Variants in LARS2 observed in about 807,000 individuals in gnomAD.
LARS2 encodes the protein leucyl-tRNA synthetase 2, mitochondrial.
Under a neutral mutation model 116.6 loss-of-function variants are expected in LARS2, and 81 were observed. The observed-to-expected ratio is 0.69, with a 90% CI of 0.58 to 0.84. The LOEUF is 0.84. LARS2 is among the 40% of genes least tolerant of loss of function. The pLI is 0.00. For synonymous variants in LARS2, 396 were observed against 407.2 expected (o/e 0.97, Z 0.33); for missense variants, 968 against 1,114.5 (o/e 0.87, Z 1.87).
Position 45,547,763 on chromosome 3 carries a change from C to T in LARS2, c.*233C>T, listed in dbSNP as rs1314168545. On this transcript the variant is annotated 3_prime_UTR_variant, in exon 22 of 22. Transcript: ENST00000645846. Reference sequence around the variant, plus strand: ...ATGAGCTACTGAGGAGGGGGTTGGACATCCTGCCCCTCACCCCCCACCCAC... The same window carrying T: ...ATGAGCTACTGAGGAGGGGGTTGGATATCCTGCCCCTCACCCCCCACCCAC... 6.9e-6 allele frequency: 3 copies of T among 435,748 alleles called. No individual in the cohort carries two copies. In the East Asian group the frequency reaches 1.2e-4, roughly 18 times the overall value. 27.0% of individuals were successfully genotyped at this position (435,748 alleles called of 1,614,324 possible).
chr3:45,444,303 G>A (rs1575258882), intron 6 of LARS2, among the ~76,000 whole-genome samples: 1 of 149,982 alleles, frequency 6.7e-6, no homozygotes, highest in South Asian at 2.1e-4. Flanking sequence ...ATGAGCCACT[G>A]CGCCCAGCCC....
chr3:45,448,157 A>C (rs1184155350), intron 7 of LARS2, among the ~76,000 whole-genome samples: 1 of 152,180 alleles, frequency 6.6e-6, no homozygotes, highest in Admixed American at 6.5e-5. Flanking sequence ...CCATCAACCT[A>C]CTGGGGTAAG....
intron 21 of LARS2, 101 bp from the exon 22 acceptor site, chr3:45,547,250 C>T (rs909528766): frequency 9.2e-7 from 1 of 1,088,306 alleles, no homozygotes. Context: ...TTCCCCTAAA[C>T]AAATGCAGCC....
chr3:45,436,751 G>A (rs1340258881), intron 6 of LARS2, among the ~76,000 whole-genome samples: 3 of 142,770 alleles, frequency 2.1e-5, no homozygotes, highest in Non-Finnish European at 4.5e-5. Context: ...CCGAGATTGC[G>A]CCACTGCAGT....
At chr3:45,510,448 A>C (rs1394784903) in intron 15 of LARS2, among the ~76,000 whole-genome samples, 1 of 152,082 alleles carries the variant, frequency 6.6e-6, no homozygotes, top group East Asian at 1.9e-4. Context: ...TCACAGGAGA[A>C]AGACAGGCAA....
At chr3:45,471,294 G>T (rs1342603162) in intron 8 of LARS2, among the ~76,000 whole-genome samples, 1 of 152,196 alleles carries the variant, frequency 6.6e-6, no homozygotes, top group Non-Finnish European at 1.5e-5. Context: ...ACCGAAAAGA[G>T]CTTGCAGAGT....
At chr3:45,416,759 A>G (rs1440719098) in intron 4 of LARS2, among the ~76,000 whole-genome samples, 1 of 152,132 alleles carries the variant, frequency 6.6e-6, no homozygotes, top group Non-Finnish European at 1.5e-5. Flanking sequence ...TGGCTACCAT[A>G]TTGGACAGCA....
chr3:45,546,713 T>C lies in LARS2; in HGVS notation c.2533-638T>C, dbSNP rs542561114. ...TGAGCCACGTGGTCACCTTCCCTCA[T>C]TGAATCAATATTCGGTGAATACCCA... On this transcript the variant is annotated intron_variant, in intron 21 of 21. Coordinates refer to ENST00000645846, the MANE Select transcript of LARS2 (RefSeq NM_015340.4). Among the ~76,000 whole-genome samples the C allele has an allele frequency of 1.7e-4, 26 of 152,316 alleles. 1 individual carries two copies. The highest frequency in any genetic ancestry group is 1.6e-3 in the Admixed American group (24 of 15,304).
At chr3:45,409,295 A>G (rs1698287500) in intron 4 of LARS2, among the ~76,000 whole-genome samples, 1 of 152,232 alleles carries the variant, frequency 6.6e-6, no homozygotes, top group Non-Finnish European at 1.5e-5. Flanking sequence ...ATGGATTAAA[A>G]TAAGTTATGG....
At chr3:45,398,149 C>T (rs1329200898) in intron 3 of LARS2, among the ~76,000 whole-genome samples, 1 of 152,188 alleles carries the variant, frequency 6.6e-6, no homozygotes, top group Admixed American at 6.5e-5. Flanking sequence ...CAGCTTAACA[C>T]TCCTTGGTAA....
At chr3:45,490,688 T>C (rs1269830817) in intron 12 of LARS2, among the ~76,000 whole-genome samples, 1 of 152,234 alleles carries the variant, frequency 6.6e-6, no homozygotes, top group South Asian at 2.1e-4. Context: ...GGGAAGATCA[T>C]ATTTATCTTT....
chr3:45,431,999 AAG>A (rs1167339445), intron 6 of LARS2, among the ~76,000 whole-genome samples: 5 of 152,216 alleles, frequency 3.3e-5, no homozygotes, highest in African/African-American at 9.6e-5. Context: ...TAGTAATGAA[AAG>A]AGAGCAAGGG....
intron 6 of LARS2, among the ~76,000 whole-genome samples, chr3:45,437,222 C>G (rs966336166): frequency 6.6e-6 from 1 of 152,152 alleles, no homozygotes; most frequent in Non-Finnish European, 1.5e-5. Context: ...AAAACAAGAC[C>G]TTTAAGAATA....
intron 1 of LARS2, among the ~76,000 whole-genome samples, chr3:45,390,634 ATTAT>A (rs373874105): frequency 0.49 from 68,853 of 140,100 alleles, 17,334 homozygotes; most frequent in Non-Finnish European, 0.57. Flanking sequence ...TTTTATTTTT[ATTAT>A]TTATTTATTT....
At chr3:45,424,888 A>G (rs925688616) in intron 6 of LARS2, among the ~76,000 whole-genome samples, 5 of 152,042 alleles carry the variant, frequency 3.3e-5, no homozygotes, top group African/African-American at 9.7e-5. Context: ...CATCTCTCTC[A>G]TGATTTTGGT....
Position 45,417,578 on chromosome 3 carries a change from G to A in LARS2, c.455+5G>A, listed in dbSNP as rs1378891048. 1.9e-6 allele frequency: 3 copies of A among 1,606,866 alleles called. No individual in the cohort carries two copies. Among genetic ancestry groups the A allele is most frequent in the Non-Finnish European group, 1.7e-6 (2 of 1,173,686 alleles). ...TCCACAAAGTTGGACACAAAGGTAA[G>A]TGTTTACAGGCATATTCAAATACTT... On this transcript the variant is annotated splice_donor_5th_base_variant and intron_variant, in intron 5 of 21. Transcript: ENST00000645846.
Position 45,409,341 on chromosome 3 carries a change from A to G in LARS2, c.364-8141A>G, listed in dbSNP as rs371202847. On this transcript the variant is annotated intron_variant, in intron 4 of 21. Coordinates refer to ENST00000645846, the MANE Select transcript of LARS2 (RefSeq NM_015340.4). ...AAAGGAATTGGAATTCTAAAACCTA[A>G]CAGGAGAGTTTGGAGTTCTTCCCAG... 2.0e-3 allele frequency among the ~76,000 whole-genome samples: 302 copies of G among 152,336 alleles called. 10 individuals carry two copies. The South Asian group carries it at 0.06, about 30-fold the overall frequency.
chr3:45,430,264 AC>A (rs1428231204), intron 6 of LARS2, among the ~76,000 whole-genome samples: 8 of 118,936 alleles, frequency 6.7e-5, no homozygotes, highest in Non-Finnish European at 1.4e-4. Flanking sequence ...GAGCCACCGC[AC>A]CCGGCCATTT....
At chr3:45,461,411 C>G (rs766575518) in intron 8 of LARS2, among the ~76,000 whole-genome samples, 16 of 151,596 alleles carry the variant, frequency 1.1e-4, no homozygotes, top group Non-Finnish European at 1.5e-4. Context: ...GTTTGAAAAA[C>G]TAAAAGGACA....
Sources: allele counts gnomAD v4.1 joint callset (sites outside exome capture counted in the v4.1 genomes callset), GRCh38; gene constraint gnomAD v4.1.1; transcripts MANE v1.5; gene names NCBI Gene and HGNC (gene_info 2026-07-23, HGNC 2026-07-21).